Variants in PHACTR3 observed in about 807,000 individuals in gnomAD.
The protein encoded by PHACTR3 is phosphatase and actin regulator 3.
Under a neutral mutation model 66.8 loss-of-function variants are expected in PHACTR3, and 16 were observed. The ratio of observed to expected loss-of-function variants is 0.24; its 90% CI spans 0.16 to 0.36. The LOEUF (loss-of-function observed/expected upper bound fraction) is 0.36. Ranked by LOEUF, PHACTR3 falls within the 10% of genes least tolerant of loss-of-function variation. The probability of loss-of-function intolerance (pLI) is 1.00; values close to 1 mark genes in which losing one functional copy is unlikely to be tolerated. For synonymous variants in PHACTR3, 323 were observed against 292.1 expected (o/e 1.11, Z -1.08); for missense variants, 647 against 719.9 (o/e 0.90, Z 1.16).
At chr20:59,788,935 C>T (rs1056495127) in intron 7 of PHACTR3, among the ~76,000 whole-genome samples, 2 of 152,188 alleles carry the variant, frequency 1.3e-5, no homozygotes, top group Non-Finnish European at 2.9e-5. Context: ...CCTCAAGACC[C>T]CCAGAGTCTG....
chr20:59,835,062 G>C (rs2042486367), intron 8 of PHACTR3, among the ~76,000 whole-genome samples: 1 of 152,206 alleles, frequency 6.6e-6, no homozygotes, highest in African/African-American at 2.4e-5. Flanking sequence ...TAGACTATGA[G>C]CTTCCCAAGG....
chr20:59,807,505 T>G (rs1044537292), intron 8 of PHACTR3, among the ~76,000 whole-genome samples: 15 of 152,212 alleles, frequency 9.9e-5, no homozygotes, highest in African/African-American at 3.6e-4. Context: ...GTTAACTTTT[T>G]TTTAATAAGT....
chr20:59,592,807 T>A (rs573301480), intron 1 of PHACTR3, among the ~76,000 whole-genome samples: 1 of 151,908 alleles, frequency 6.6e-6, no homozygotes, highest in South Asian at 2.1e-4. Context: ...ATTTCCTCCA[T>A]ATAATTTCTT....
At chr20:59,769,931 C>T (rs2040307825) in intron 5 of PHACTR3, among the ~76,000 whole-genome samples, 1 of 152,224 alleles carries the variant, frequency 6.6e-6, no homozygotes, top group African/African-American at 2.4e-5. Flanking sequence ...TTTGTGATAG[C>T]TCCCTTTTTC....
intron 1 of PHACTR3, among the ~76,000 whole-genome samples, chr20:59,615,641 C>T (rs908729720): frequency 1.3e-5 from 2 of 152,276 alleles, no homozygotes; most frequent in South Asian, 2.1e-4. Context: ...TTGGCAGGGT[C>T]GAAGGTCCAG....
At chr20:59,831,714 T>C (rs1008731571) in intron 8 of PHACTR3, among the ~76,000 whole-genome samples, 16 of 152,232 alleles carry the variant, frequency 1.1e-4, no homozygotes, top group African/African-American at 3.6e-4. Flanking sequence ...GGAGAGCAAC[T>C]TGATACTGAA....
chr20:59,608,793 C>T (rs1007324852), intron 1 of PHACTR3, among the ~76,000 whole-genome samples: 1 of 152,238 alleles, frequency 6.6e-6, no homozygotes, highest in Non-Finnish European at 1.5e-5. Flanking sequence ...CAGACCTGTT[C>T]CCCACCCCAG....
rs550700174 is a variant in PHACTR3, at chr20:59,605,643, C to G, written c.118+511C>G. On this transcript the variant is annotated intron_variant, in intron 1 of 12. Transcript: ENST00000371015. ...TGGCGCACCTGGGCGCGCTAGCCCC[C>G]GGACAGGTGTGCTGGGCAGAGCCGC... 2.6e-5 allele frequency among the ~76,000 whole-genome samples: 4 copies of G among 152,308 alleles called. No homozygotes were observed. The East Asian group carries it at 5.8e-4, about 22-fold the overall frequency.
intron 1 of PHACTR3, among the ~76,000 whole-genome samples, chr20:59,631,706 G>T (rs1160744517): frequency 6.6e-6 from 1 of 152,118 alleles, no homozygotes; most frequent in Admixed American, 6.5e-5. Context: ...AGTCAGGAAG[G>T]CCATATACTC....
At position 59,605,002 on chromosome 20, in the gene PHACTR3, G is replaced by T. The variant is rs1293874038; in HGVS notation, c.-13G>T. On this transcript the variant is annotated 5_prime_UTR_variant, in exon 1 of 13. Coordinates refer to ENST00000371015, the MANE Select transcript of PHACTR3 (RefSeq NM_080672.5). ...GCGGCTCGCTCTAACTTGCCCCCGC[G>T]CCGGCCGGGCCCATGGCCGCGTCGG... is the stretch of plus-strand genomic sequence containing the variant. 1.5e-6 allele frequency: 2 copies of T among 1,290,382 alleles called. No homozygotes were observed. The highest frequency in any genetic ancestry group is 6.5e-5 in the East Asian group (2 of 30,956). The allele number at this position is 1,290,382 out of a possible 1,614,324, so 79.9% of individuals were successfully genotyped here.
chr20:59,582,760 G>T (rs1243724558), intron 1 of PHACTR3, among the ~76,000 whole-genome samples: 3 of 152,092 alleles, frequency 2.0e-5, no homozygotes, highest in African/African-American at 7.2e-5. Flanking sequence ...TTCCAGGGGG[G>T]TCGTTCGTGT....
intron 1 of PHACTR3, among the ~76,000 whole-genome samples, chr20:59,690,131 A>T (rs2037057383): frequency 6.6e-6 from 1 of 151,984 alleles, no homozygotes; most frequent in Non-Finnish European, 1.5e-5. Flanking sequence ...CAAATTCCTC[A>T]CCAAGCCCCC....
At chr20:59,713,687 A>G (rs1048274930) in intron 1 of PHACTR3, among the ~76,000 whole-genome samples, 1 of 151,156 alleles carries the variant, frequency 6.6e-6, no homozygotes, top group Non-Finnish European at 1.5e-5. Context: ...TATTTCTAGT[A>G]TTTGGCTGTT....
At chr20:59,582,903 A>T (rs527724622) in intron 1 of PHACTR3, among the ~76,000 whole-genome samples, 28 of 151,592 alleles carry the variant, frequency 1.8e-4, no homozygotes, top group Non-Finnish European at 3.1e-4. Flanking sequence ...AGAAGCTTTT[A>T]GTTCTGATGT....
chr20:59,672,423 A>C (rs1347872714), intron 1 of PHACTR3, among the ~76,000 whole-genome samples: 1 of 152,138 alleles, frequency 6.6e-6, no homozygotes, highest in Non-Finnish European at 1.5e-5. Context: ...CTGCATGTAG[A>C]ATCACACTCA....
chr20:59,840,971 G>T (rs2059048241), intron 10 of PHACTR3, among the ~76,000 whole-genome samples: 1 of 152,170 alleles, frequency 6.6e-6, no homozygotes, highest in African/African-American at 2.4e-5. Flanking sequence ...AAGTGTTCTG[G>T]ATTCCCCTTC....
intron 7 of PHACTR3, among the ~76,000 whole-genome samples, chr20:59,796,896 C>T (rs1397547384): frequency 6.6e-6 from 1 of 152,144 alleles, no homozygotes; most frequent in African/African-American, 2.4e-5. Flanking sequence ...CATCTCTCTG[C>T]CAACACATGG....
At chr20:59,642,820 C>T (rs2035151136) in intron 1 of PHACTR3, among the ~76,000 whole-genome samples, 1 of 152,170 alleles carries the variant, frequency 6.6e-6, no homozygotes, top group Non-Finnish European at 1.5e-5. Flanking sequence ...AACTTGCTGT[C>T]CTGCCAACAT....
intron 7 of PHACTR3, among the ~76,000 whole-genome samples, chr20:59,784,352 T>C (rs1244456044): frequency 2.6e-5 from 4 of 152,070 alleles, no homozygotes; most frequent in African/African-American, 7.2e-5. Context: ...AGAATGTGTA[T>C]GTACAAACAT....
Sources: gnomAD v4.1 joint callset for allele counts (sites outside exome capture counted in the v4.1 genomes callset) on GRCh38, gnomAD v4.1.1 for gene constraint, MANE v1.5 for transcripts, NCBI Gene and HGNC (gene_info 2026-07-23, HGNC 2026-07-21) for gene names.